CARM1: variants seen among roughly 807,000 people sequenced by gnomAD.
CARM1 encodes the protein histone-arginine methyltransferase CARM1.
CARM1 carries 14 observed loss-of-function variants against 72.7 expected under a neutral mutation model. That is an observed-to-expected ratio of 0.19 (90% CI 0.13 to 0.30). The LOEUF is 0.30. Among genes scored for constraint, CARM1 ranks in the 10% least tolerant of loss-of-function variants. The pLI, the probability that CARM1 is intolerant of heterozygous loss-of-function variation, is 1.00. For missense variants in CARM1, 432 were observed against 833.7 expected (o/e 0.52, Z 5.93); for synonymous variants, 333 against 345.5 (o/e 0.96, Z 0.40).
In CARM1 at chr19:10,888,295, G is replaced by A. The variant is rs550230939; in HGVS notation, c.220+16373G>A. 5.3e-5 allele frequency among the ~76,000 whole-genome samples: 8 copies of A among 152,282 alleles called. No homozygotes were observed. The East Asian group carries it at 5.8e-4, about 11-fold the overall frequency. On this transcript the variant is annotated intron_variant, in intron 1 of 15. Transcript: ENST00000327064. ...AGGTAGAACCTGGGGTCCCCTGAGC[G>A]TGGCCCCCAGTACCTCCCAGCTGGC...
intron 1 of CARM1, among the ~76,000 whole-genome samples, chr19:10,885,005 C>T (rs1423202618): frequency 1.3e-5 from 2 of 152,180 alleles, no homozygotes; most frequent in Admixed American, 6.5e-5. Flanking sequence ...CATGCCTGGC[C>T]GCTTATTTAT....
intron 1 of CARM1, among the ~76,000 whole-genome samples, chr19:10,881,649 T>C (rs1350609006): frequency 6.8e-6 from 1 of 146,118 alleles, no homozygotes; most frequent in African/African-American, 2.5e-5. Flanking sequence ...TGGCAGGTCT[T>C]GGGGGAGGTG....
At chr19:10,882,275 G>T (rs193248954) in intron 1 of CARM1, among the ~76,000 whole-genome samples, 4 of 152,172 alleles carry the variant, frequency 2.6e-5, no homozygotes, top group Admixed American at 6.6e-5. Context: ...GCATGCAGTG[G>T]GGGGGATGGG....
rs1377767001 is a variant in CARM1 at position 10,871,634 on chromosome 19, G to GGCGGCA, written c.-63_-58dup. 3.3e-5 allele frequency: 5 copies of GGCGGCA among 152,766 alleles called. No homozygotes were observed. The highest frequency in any genetic ancestry group is 6.6e-4 in the East Asian group (1 of 1,508). 9.5% of individuals were successfully genotyped at this position (152,766 alleles called of 1,614,324 possible). ...CGGCGGCGGCGGCGGCGGCGGCGGC[G>GGCGGCA]GCGGCAGCGGCGGCGGCCTGGGCCC... On this transcript the variant is annotated 5_prime_UTR_variant, in exon 1 of 16. Transcript: ENST00000327064. This position sits in a 1 kb window ranked among gnomAD's most constrained non-coding sequence, Gnocchi z 5.6.
chr19:10,897,729 G>A (rs1568350693), intron 1 of CARM1, among the ~76,000 whole-genome samples: 3 of 152,094 alleles, frequency 2.0e-5, no homozygotes, highest in Admixed American at 6.6e-5. Context: ...GGCTCACACC[G>A]GTGATCTCAG....
chr19:10,873,622 T>G (rs1231782991), intron 1 of CARM1, among the ~76,000 whole-genome samples: 1 of 127,980 alleles, frequency 7.8e-6, no homozygotes, highest in Admixed American at 8.1e-5. Flanking sequence ...AATTTTAGTT[T>G]AGTTTTTTTT....
In CARM1 at chr19:10,884,060, G is replaced by A. The variant is rs116771149; in HGVS notation, c.220+12138G>A. Among the ~76,000 whole-genome samples the A allele has an allele frequency of 6.3e-3, 817 of 129,406 alleles. 6 individuals are homozygous for A. The highest frequency in any genetic ancestry group is 0.023 in the African/African-American group (786 of 34,816). The allele number at this position is 129,406 out of a possible 152,430, so 84.9% of individuals were successfully genotyped here. A position where few individuals can be genotyped will look rare whatever the true frequency, so the allele number is the denominator to read the frequency against. ...TTTTGTTTTTTGTTTTTTTAATTAC[G>A]GGCCAGGTGCAGTGGCTCACACCTG... On this transcript the variant is annotated intron_variant, in intron 1 of 15. Coordinates refer to ENST00000327064, the MANE Select transcript of CARM1 (RefSeq NM_199141.2).
rs1599712050 is a variant in CARM1, at chr19:10,920,140, GTGTA to G, written c.1196+178_1196+181del. On this transcript the variant is annotated intron_variant, in intron 10 of 15. Coordinates refer to ENST00000327064, the MANE Select transcript of CARM1 (RefSeq NM_199141.2). This position sits in a 1 kb window ranked among gnomAD's most constrained non-coding sequence, Gnocchi z 5.3. The stretch of plus-strand genomic sequence containing the variant: ...GTGGGTGGGGTGTGTGTGTGTGTGT[GTGTA>G]TGTGTGTGTGTGTCCTGTGTTCCCA... Among the ~76,000 whole-genome samples, 1 of 151,640 alleles carries G rather than the reference GTGTA, an allele frequency of 6.6e-6. No individual in the cohort carries two copies. The highest frequency in any genetic ancestry group is 2.4e-5 in the African/African-American group (1 of 41,328).
rs1332890580 is a variant in CARM1 at position 10,896,075 on chromosome 19, T to G, written c.221-8876T>G. ...GGTTCCGGAAGGTGCTGGGGAACCG[T>G]GGGGCGGTGTGAAGCAGGCGGGTTG... On this transcript the variant is annotated intron_variant, in intron 1 of 15. Transcript: ENST00000327064. This position sits in a 1 kb window ranked among gnomAD's most constrained non-coding sequence, Gnocchi z 5.2. Among the ~76,000 whole-genome samples the G allele has an allele frequency of 6.6e-6, 1 of 151,818 alleles. No individual in the cohort carries two copies. Among genetic ancestry groups the G allele is most frequent in the Non-Finnish European group, 1.5e-5 (1 of 67,932 alleles).
intron 1 of CARM1, among the ~76,000 whole-genome samples, chr19:10,884,078 C>A (rs368813516): frequency 1.4e-5 from 2 of 144,346 alleles, no homozygotes; most frequent in Admixed American, 1.4e-4. Context: ...TGCAGTGGCT[C>A]ACACCTGTAA....
intron 14 of CARM1, 31 bp from the exon 15 acceptor site, chr19:10,921,344 C>T (rs1453680937): frequency 1.2e-6 from 2 of 1,609,050 alleles, no homozygotes; most frequent in Non-Finnish European, 1.7e-6. Context: ...ACGCCGTCTC[C>T]CTTCCTTCTT....
intron 1 of CARM1, among the ~76,000 whole-genome samples, chr19:10,875,662 G>C (rs2073858704): frequency 1.3e-5 from 2 of 152,032 alleles, no homozygotes; most frequent in African/African-American, 4.8e-5. Flanking sequence ...CTGACCTCGT[G>C]ATCTGCCCAC....
chr19:10,890,795 A>ATT lies in CARM1; in HGVS notation c.221-14132_221-14131dup, dbSNP rs67421012. Among the ~76,000 whole-genome samples the ATT allele has an allele frequency of 4.5e-3, 213 of 47,470 alleles. 6 individuals carry two copies. The highest frequency in any genetic ancestry group is 6.6e-3 in the East Asian group (13 of 1,960). 31.1% of individuals were successfully genotyped at this position (47,470 alleles called of 152,430 possible). A position where few individuals can be genotyped will look rare whatever the true frequency, so the allele number is the denominator to read the frequency against. On this transcript the variant is annotated intron_variant, in intron 1 of 15. Coordinates refer to ENST00000327064, the MANE Select transcript of CARM1 (RefSeq NM_199141.2). ...CACACATATATATATATATATATAT[A>ATT]TTTTTTTTTTTTTTTTTTTTTTTTT... is the stretch of plus-strand genomic sequence containing the variant.
intron 1 of CARM1, among the ~76,000 whole-genome samples, chr19:10,876,318 G>A (rs986844794): frequency 5.3e-5 from 8 of 152,216 alleles, no homozygotes; most frequent in East Asian, 3.8e-4. Flanking sequence ...GAGCCACTGC[G>A]CCCGGCCAAT....
intron 6 of CARM1, among the ~76,000 whole-genome samples, chr19:10,914,540 G>A (rs1481124675): frequency 6.6e-6 from 1 of 152,170 alleles, no homozygotes; most frequent in Non-Finnish European, 1.5e-5. Flanking sequence ...TCTGGGTATG[G>A]CCTCTGGTCA....
In CARM1 at chr19:10,873,841, A is replaced by G. The variant is rs371232486; in HGVS notation, c.220+1919A>G. Among the ~76,000 whole-genome samples the G allele has an allele frequency of 4.5e-3, 677 of 151,598 alleles. 5 individuals carry two copies. Among genetic ancestry groups the G allele is most frequent in the South Asian group, 0.011 (55 of 4,802 alleles). ...TTTTTAGTAGAGACGGGGTTTCACC[A>G]TGTTAGCCAGGATGGTCTTGATCTC... On this transcript the variant is annotated intron_variant, in intron 1 of 15. Coordinates refer to ENST00000327064, the MANE Select transcript of CARM1 (RefSeq NM_199141.2).
At position 10,904,264 on chromosome 19, in the gene CARM1, C is replaced by T. The variant is rs558182149; in HGVS notation, c.221-687C>T. On this transcript the variant is annotated intron_variant, in intron 1 of 15. Transcript: ENST00000327064. Reference sequence around the variant, plus strand: ...GCCAAGAATACTACAGATGATGCACCTGTCCCACTGCAGTATGGCAGGCAG... The same window carrying T: ...GCCAAGAATACTACAGATGATGCACTTGTCCCACTGCAGTATGGCAGGCAG... Among the ~76,000 whole-genome samples the T allele has an allele frequency of 3.9e-5, 6 of 152,362 alleles. No individual in the cohort carries two copies. In the South Asian group the frequency reaches 8.3e-4, roughly 21 times the overall value.
At chr19:10,921,554 G>A (rs1285833562) in intron 15 of CARM1, 61 bp from the exon 16 acceptor site, 1 of 1,576,776 alleles carries the variant, frequency 6.3e-7, no homozygotes, top group Non-Finnish European at 8.6e-7. Flanking sequence ...CTCTCTCTGT[G>A]ACTCTGCCTG....
intron 2 of CARM1, among the ~76,000 whole-genome samples, chr19:10,906,791 T>C (rs1047424281): frequency 6.6e-5 from 10 of 152,100 alleles, no homozygotes; most frequent in African/African-American, 2.2e-4. Context: ...AAAGAGATTG[T>C]CTTTTAAATA....
Sources: gnomAD v4.1 joint callset for allele counts (sites outside exome capture counted in the v4.1 genomes callset) on GRCh38, gnomAD v4.1.1 for gene constraint, Gnocchi (gnomAD v3.1) non-coding constraint, MANE v1.5 for transcripts, NCBI Gene and HGNC (gene_info 2026-07-23, HGNC 2026-07-21) for gene names.